ITPA: variants seen among roughly 807,000 people sequenced by gnomAD.
The protein encoded by ITPA is inosine triphosphatase, also known as inosine triphosphate pyrophosphatase.
Under a neutral mutation model 29.6 loss-of-function variants are expected in ITPA, and 29 were observed. The observed-to-expected ratio is 0.98, with a 90% CI of 0.73 to 1.34. The LOEUF (loss-of-function observed/expected upper bound fraction) is 1.34, where lower values mean the gene tolerates loss of function less well. Ranked by LOEUF, ITPA falls within the 40% of genes most tolerant of loss-of-function variation. The probability of loss-of-function intolerance (pLI) is 0.00; values close to 1 mark genes in which losing one functional copy is unlikely to be tolerated. For missense variants in ITPA, 241 were observed against 251.5 expected, an observed-to-expected ratio of 0.96 and a Z score of 0.28; for synonymous variants, 103 against 99.3, an observed-to-expected ratio of 1.04 and a Z score of -0.22.
At chr20:3,205,674 C>G (rs1022054580), upstream of ITPA, among the ~76,000 whole-genome samples, 6 of 151,974 alleles carry the variant, frequency 3.9e-5, no homozygotes, top group Non-Finnish European at 7.4e-5. Flanking sequence ...GCACTCCAGC[C>G]TGGGTGATAG....
chr20:3,204,966 T>G (rs1351588398), upstream of ITPA, among the ~76,000 whole-genome samples: 1 of 151,944 alleles, frequency 6.6e-6, no homozygotes, highest in Non-Finnish European at 1.5e-5. Flanking sequence ...TTCTCCTGCC[T>G]CAGACTCCCG....
chr20:3,223,332 C>T (rs1015341753), intron 7 of ITPA, 34 bp from the exon 8 acceptor site: 14 of 1,530,300 alleles, frequency 9.1e-6, no homozygotes, highest in Non-Finnish European at 1.3e-5. Flanking sequence ...CTTCCTGAAT[C>T]TGGGCTCCCT....
chr20:3,204,426 G>C (rs927187786), upstream of ITPA: 12 of 1,148,076 alleles, frequency 1.0e-5, no homozygotes, highest in African/African-American at 1.4e-4. Flanking sequence ...ACGCGCATGC[G>C]TCCCGCCCGC....
At position 3,209,593 on chromosome 20, in the gene ITPA, G is replaced by A. The variant is rs1257840478; in HGVS notation, c.42G>A (p.Thr14=). Residue 14 remains threonine (T), a synonymous_variant, in exon 1 of 8, where the codon ACG becomes ACA. Coordinates refer to ENST00000380113, the MANE Select transcript of ITPA (RefSeq NM_033453.4). The surrounding 1 kb of genome is among the most constrained non-coding windows in gnomAD (Gnocchi z 4.6). The part of the protein sequence containing the change: ...SLVGKKIVFV[T]GNAKKLEEVV... Reference sequence around the variant, plus strand: ...TGGGGAAGAAGATCGTGTTTGTAACGGGGAACGCCAAGAAGCTGGAGGAGG... The same window carrying A: ...TGGGGAAGAAGATCGTGTTTGTAACAGGGAACGCCAAGAAGCTGGAGGAGG... 6.2e-7 allele frequency: 1 copy of A among 1,614,128 alleles called. No individual in the cohort carries two copies. The highest frequency in any genetic ancestry group is 8.5e-7 in the Non-Finnish European group (1 of 1,180,022).
Position 3,215,315 on chromosome 20 carries a change from A to G in ITPA, c.295+3A>G. 6.2e-7 allele frequency: 1 copy of G among 1,613,410 alleles called. No individual in the cohort carries two copies. The highest frequency in any genetic ancestry group is 8.5e-7 in the Non-Finnish European group (1 of 1,179,410). On this transcript the variant is annotated splice_donor_region_variant and intron_variant, in intron 5 of 7. Coordinates refer to ENST00000380113, the MANE Select transcript of ITPA (RefSeq NM_033453.4). ...TCTGGAGAAGTTAAAGCCTGAAGGT[A>G]TTATCTGCTTTGTTTCTTCCCTGGA...
upstream of ITPA, chr20:3,204,393 C>A (rs762829775): frequency 5.0e-6 from 4 of 801,140 alleles, no homozygotes; most frequent in Admixed American, 2.8e-5. Context: ...GGAAGCCCCA[C>A]CCGGCACACG....
At chr20:3,211,520 TCTCA>T (rs1327196572) in intron 1 of ITPA, among the ~76,000 whole-genome samples, 1 of 130,544 alleles carries the variant, frequency 7.7e-6, no homozygotes, top group Non-Finnish European at 1.7e-5. Context: ...TTAGACAAAG[TCTCA>T]CTCTGTTGCC....
chr20:3,209,994 C>T lies in ITPA; in HGVS notation c.66+377C>T, dbSNP rs1352540644. Among the ~76,000 whole-genome samples the T allele has an allele frequency of 6.6e-6, 1 of 152,170 alleles. No homozygotes were observed. The highest frequency in any genetic ancestry group is 1.5e-5 in the Non-Finnish European group (1 of 68,034). On this transcript the variant is annotated intron_variant, in intron 1 of 7. Coordinates refer to ENST00000380113, the MANE Select transcript of ITPA (RefSeq NM_033453.4). The surrounding 1 kb of genome is among the most constrained non-coding windows in gnomAD (Gnocchi z 4.6). ...ACTTATCCACATCCCGCTGCTGGGCCAGGGCTAGCAGGACCCAGAGAGGGC... is the reference window on the plus strand; with the variant it reads ...ACTTATCCACATCCCGCTGCTGGGCTAGGGCTAGCAGGACCCAGAGAGGGC...
chr20:3,214,091 TCAGGCCCAAAAC>T, intron 4 of ITPA, 33 bp downstream of exon 4: 1 of 1,603,998 alleles, frequency 6.2e-7, no homozygotes, highest in Non-Finnish European at 8.5e-7. Context: ...TTACAGGGCG[TCAGGCCCAAAAC>T]CACCAGAACT....
At chr20:3,214,479 A>G (rs966307158) in intron 4 of ITPA, among the ~76,000 whole-genome samples, 2 of 146,092 alleles carry the variant, frequency 1.4e-5, no homozygotes, top group African/African-American at 5.0e-5. Context: ...TGATCTTCCC[A>G]CCTCAGCCTC....
intron 1 of ITPA, among the ~76,000 whole-genome samples, chr20:3,210,627 G>A (rs1462297551): frequency 6.6e-6 from 1 of 152,146 alleles, no homozygotes; most frequent in East Asian, 1.9e-4. Context: ...AGGAACCAGA[G>A]CCTTTTGCCG....
intron 5 of ITPA, among the ~76,000 whole-genome samples, chr20:3,218,066 A>T (rs577938033): frequency 2.0e-5 from 3 of 152,010 alleles, no homozygotes; most frequent in African/African-American, 7.2e-5. Context: ...TACAGGCATC[A>T]GCCACCACGC....
At chr20:3,218,675 G>C (rs976043428) in intron 6 of ITPA, 43 bp downstream of exon 6, 1 of 1,507,120 alleles carries the variant, frequency 6.6e-7, no homozygotes, top group Admixed American at 1.7e-5. Flanking sequence ...GCGCCGCCAG[G>C]GGGTGCCGCG....
chr20:3,216,780 GT>G (rs200354554), intron 5 of ITPA, among the ~76,000 whole-genome samples: 3,550 of 151,794 alleles, frequency 0.023, 137 homozygotes, highest in African/African-American at 0.081. Context: ...TAGACACGGA[GT>G]TTCGCCATGT....
upstream of ITPA, among the ~76,000 whole-genome samples, chr20:3,205,203 C>A (rs1425160725): frequency 2.0e-5 from 3 of 152,116 alleles, no homozygotes; most frequent in East Asian, 5.8e-4. Flanking sequence ...ATGGAAACAA[C>A]CGTGGAAAAA....
chr20:3,207,873 T>C (rs2067090418), upstream of ITPA, among the ~76,000 whole-genome samples: 1 of 150,880 alleles, frequency 6.6e-6, no homozygotes, highest in Non-Finnish European at 1.5e-5. Flanking sequence ...GGGGTGCTTG[T>C]AGTCCCAGCT....
upstream of ITPA, among the ~76,000 whole-genome samples, chr20:3,205,396 T>C (rs2067063896): frequency 6.6e-6 from 1 of 152,030 alleles, no homozygotes; most frequent in Admixed American, 6.6e-5. Flanking sequence ...GCTTTTTGTA[T>C]ACATGATAAC....
downstream of ITPA, among the ~76,000 whole-genome samples, chr20:3,224,572 G>T (rs1029003435): frequency 6.6e-6 from 1 of 152,180 alleles, no homozygotes; most frequent in African/African-American, 2.4e-5. Context: ...TGCAAGCCCC[G>T]GCTGGGTTAA....
At chr20:3,218,728 G>A in intron 6 of ITPA, 96 bp downstream of exon 6, 3 of 808,842 alleles carry the variant, frequency 3.7e-6, no homozygotes, top group Non-Finnish European at 4.2e-6. Flanking sequence ...GTGGTGGGAG[G>A]GGCGCCTTGG....
Sources: gnomAD v4.1 joint callset for allele counts (sites outside exome capture counted in the v4.1 genomes callset) on GRCh38, gnomAD v4.1.1 for gene constraint, Gnocchi (gnomAD v3.1) non-coding constraint, MANE v1.5 for transcripts, NCBI Gene and HGNC (gene_info 2026-07-23, HGNC 2026-07-21) for gene names.